PHF20: variants seen among roughly 807,000 people sequenced by gnomAD.
PHF20 encodes PHD finger protein 20.
PHF20 carries 23 observed loss-of-function variants against 113.5 expected under a neutral mutation model. The observed-to-expected ratio is 0.20, with a 90% CI of 0.15 to 0.29. The LOEUF is 0.29. Among genes scored for constraint, PHF20 ranks in the 10% least tolerant of loss-of-function variants. The pLI, the probability that PHF20 is intolerant of heterozygous loss-of-function variation, is 1.00. For missense variants in PHF20, 943 were observed against 1,219.6 expected, an observed-to-expected ratio of 0.77 and a Z score of 3.38; for synonymous variants, 434 against 457.3, an observed-to-expected ratio of 0.95 and a Z score of 0.65.
intron 13 of PHF20, among the ~76,000 whole-genome samples, chr20:35,925,977 C>T (rs974898027): frequency 2.0e-5 from 3 of 151,268 alleles, no homozygotes; most frequent in African/African-American, 7.3e-5. Context: ...AAAAAATTAG[C>T]TGGGCATGGT....
At chr20:35,888,996 G>A (rs1480457955) in intron 9 of PHF20, among the ~76,000 whole-genome samples, 1 of 148,914 alleles carries the variant, frequency 6.7e-6, no homozygotes, top group Non-Finnish European at 1.5e-5. Flanking sequence ...ACAACCAGTG[G>A]CCCTCTTAGT....
intron 9 of PHF20, chr20:35,878,486 A>G (rs2054570693): frequency 3.5e-6 from 2 of 579,650 alleles, no homozygotes; most frequent in African/African-American, 1.9e-5. Context: ...TCCCTTTCTG[A>G]ATTCATATGA....
rs1213834931 is a variant in PHF20, at chr20:35,949,460, T to C, written c.*1833T>C. 1 of 152,720 alleles carries C rather than the reference T, an allele frequency of 6.5e-6. No homozygotes were observed. The highest frequency in any genetic ancestry group is 1.5e-5 in the Non-Finnish European group (1 of 68,058). 9.5% of individuals were successfully genotyped at this position (152,720 alleles called of 1,614,324 possible). Reference sequence around the variant, plus strand: ...AAGCTGTAACTTTTAAGGTAGTCAATTTCATGTCTTGTTCAACGATGTAAG... The same window carrying C: ...AAGCTGTAACTTTTAAGGTAGTCAACTTCATGTCTTGTTCAACGATGTAAG... On this transcript the variant is annotated 3_prime_UTR_variant, in exon 18 of 18. Transcript: ENST00000374012.
chr20:35,828,010 G>A (rs1055027006), intron 2 of PHF20, among the ~76,000 whole-genome samples: 18 of 150,966 alleles, frequency 1.2e-4, no homozygotes, highest in Non-Finnish European at 2.1e-4. Flanking sequence ...GCACTCATTA[G>A]TTTTATTTAT....
intron 2 of PHF20, among the ~76,000 whole-genome samples, chr20:35,807,042 G>A (rs1405512300): frequency 3.3e-5 from 5 of 151,928 alleles, no homozygotes; most frequent in African/African-American, 7.3e-5. Context: ...TGATCTGCCC[G>A]CCTTGGCCTC....
intron 9 of PHF20, among the ~76,000 whole-genome samples, chr20:35,872,430 G>C (rs2054438717): frequency 6.6e-6 from 1 of 152,094 alleles, no homozygotes; most frequent in Admixed American, 6.6e-5. Flanking sequence ...AGCTGAGGCA[G>C]GAGAATTGCT....
intron 9 of PHF20, chr20:35,878,376 C>G: frequency 2.5e-6 from 1 of 393,414 alleles, no homozygotes; most frequent in South Asian, 6.6e-5. Flanking sequence ...AAATGTGTGC[C>G]TGCTACATAG....
chr20:35,942,981 G>A (rs191202287), intron 17 of PHF20, among the ~76,000 whole-genome samples: 118 of 152,128 alleles, frequency 7.8e-4, no homozygotes, highest in African/African-American at 2.7e-3. Flanking sequence ...CCGCCACCAG[G>A]CCCGGCTAAT....
intron 2 of PHF20, among the ~76,000 whole-genome samples, chr20:35,842,116 C>T (rs745390975): frequency 2.0e-5 from 3 of 152,078 alleles, no homozygotes; most frequent in Non-Finnish European, 2.9e-5. Flanking sequence ...GAGGTTGAGG[C>T]GGGCAGATCA....
chr20:35,824,621 T>A lies in PHF20; in HGVS notation c.84-17952T>A, dbSNP rs530184342. ...ACTCTGTCTCAAAAAAAAAAAAAAA[T>A]TTACCATTTCAAAGCATACAATTCA... On this transcript the variant is annotated intron_variant, in intron 2 of 17. Transcript: ENST00000374012. Among the ~76,000 whole-genome samples, 516 of 151,350 alleles carry A rather than the reference T, an allele frequency of 3.4e-3. 4 individuals are homozygous for A. The highest frequency in any genetic ancestry group is 0.012 in the African/African-American group (496 of 41,302).
intron 15 of PHF20, among the ~76,000 whole-genome samples, chr20:35,934,256 C>A (rs971796781): frequency 6.6e-6 from 1 of 152,134 alleles, no homozygotes; most frequent in Non-Finnish European, 1.5e-5. Context: ...TCAAGATCTG[C>A]GTGACAAAGG....
At chr20:35,875,688 C>G (rs1600860091) in intron 9 of PHF20, among the ~76,000 whole-genome samples, 2 of 152,280 alleles carry the variant, frequency 1.3e-5, no homozygotes, top group South Asian at 4.1e-4. Flanking sequence ...AGGGAGAACT[C>G]TAGATGACAG....
chr20:35,868,865 T>A (rs1236952592), intron 6 of PHF20, among the ~76,000 whole-genome samples: 2 of 152,072 alleles, frequency 1.3e-5, no homozygotes, highest in African/African-American at 4.8e-5. Context: ...ACGAGGCAGC[T>A]GGATCACTTG....
rs191854516 is a variant in PHF20 at position 35,809,201 on chromosome 20, C to T, written c.83+7596C>T. ...TGGAGGTTGCAGTGAGCCAACATCA[C>T]GACGCCATTGTACTCCAGCCTGGGC... is the stretch of plus-strand genomic sequence containing the variant. On this transcript the variant is annotated intron_variant, in intron 2 of 17. Coordinates refer to ENST00000374012, the MANE Select transcript of PHF20 (RefSeq NM_016436.5). 2.4e-3 allele frequency among the ~76,000 whole-genome samples: 362 copies of T among 150,932 alleles called. 4 individuals carry two copies. Among genetic ancestry groups the T allele is most frequent in the Non-Finnish European group, 6.8e-4 (46 of 67,742 alleles).
intron 17 of PHF20, among the ~76,000 whole-genome samples, chr20:35,946,656 A>T (rs947986213): frequency 3.5e-5 from 5 of 143,708 alleles, no homozygotes; most frequent in Admixed American, 6.9e-5. Context: ...TTTATTTTTT[A>T]TTTTATTTTA....
chr20:35,854,225 T>A (rs2146956815), intron 4 of PHF20, among the ~76,000 whole-genome samples: 1 of 152,298 alleles, frequency 6.6e-6, no homozygotes, highest in Non-Finnish European at 1.5e-5. Context: ...TAGAACCCTT[T>A]TAGTGTTACT....
intron 2 of PHF20, among the ~76,000 whole-genome samples, chr20:35,837,142 C>T (rs2042457229): frequency 6.6e-6 from 1 of 152,074 alleles, no homozygotes; most frequent in South Asian, 2.1e-4. Flanking sequence ...CACTGTACCC[C>T]ATCCTGGGTG....
At chr20:35,879,954 T>G (rs903990292) in intron 9 of PHF20, among the ~76,000 whole-genome samples, 1 of 151,820 alleles carries the variant, frequency 6.6e-6, no homozygotes, top group Non-Finnish European at 1.5e-5. Context: ...ATGGCAACAC[T>G]GTGCTCCAGA....
chr20:35,813,588 G>A (rs1306652951), intron 2 of PHF20, among the ~76,000 whole-genome samples: 1 of 151,840 alleles, frequency 6.6e-6, no homozygotes, highest in Non-Finnish European at 1.5e-5. Flanking sequence ...AGCTGGGCAC[G>A]GTGGCTCACG....
Sources: gnomAD v4.1 joint callset for allele counts (sites outside exome capture counted in the v4.1 genomes callset) on GRCh38, gnomAD v4.1.1 for gene constraint, MANE v1.5 for transcripts, NCBI Gene and HGNC (gene_info 2026-07-23, HGNC 2026-07-21) for gene names.